TTBK2: variants seen among roughly 807,000 people sequenced by gnomAD.
TTBK2 encodes the protein tau tubulin kinase 2, also known as tau-tubulin kinase 2.
TTBK2 carries 28 observed loss-of-function variants against 110.8 expected under a neutral mutation model. That is an observed-to-expected ratio of 0.25 (90% confidence interval 0.19 to 0.35). TTBK2 has a LOEUF of 0.35. Ranked by LOEUF, TTBK2 falls within the 10% of genes least tolerant of loss-of-function variation. The pLI is 1.00. For synonymous variants in TTBK2, 532 were observed against 527.3 expected (o/e 1.01, Z -0.12); for missense variants, 1,369 against 1,500.3 (o/e 0.91, Z 1.45).
chr15:42,888,322 C>A lies in TTBK2; in HGVS notation c.-67-9638G>T, dbSNP rs145269978. Among the ~76,000 whole-genome samples the A allele has an allele frequency of 3.6e-4, 55 of 152,230 alleles. No individual in the cohort carries two copies. The East Asian group carries it at 0.01, about 29-fold the overall frequency. The stretch of plus-strand genomic sequence containing the variant: ...CAATTACCATTATTCCTGGCCCGGA[C>A]TTCAATCCATCCTCCCACATTATTC... On this transcript the variant is annotated intron_variant, in intron 1 of 14. Transcript: ENST00000267890.
At chr15:42,746,370 A>G in intron 14 of TTBK2, 113 bp from the exon 15 acceptor site, 1 of 805,440 alleles carries the variant, frequency 1.2e-6, no homozygotes, top group Non-Finnish European at 2.0e-6. Context: ...AAATAGACTA[A>G]CAGGATACAG....
chr15:42,886,676 G>A (rs549605695), intron 1 of TTBK2, among the ~76,000 whole-genome samples: 1 of 152,254 alleles, frequency 6.6e-6, no homozygotes, highest in Non-Finnish European at 1.5e-5. Flanking sequence ...GAGAAGAGTT[G>A]CAACTACTTG....
chr15:42,876,507 G>C (rs879195643), intron 2 of TTBK2, among the ~76,000 whole-genome samples: 1 of 152,128 alleles, frequency 6.6e-6, no homozygotes, highest in Admixed American at 6.6e-5. Flanking sequence ...CCATGATAAT[G>C]ACATAGTTTC....
At position 42,752,718 on chromosome 15, in the gene TTBK2, A is replaced by G. The variant is rs1436330530; in HGVS notation, c.2528T>C (p.Ile843Thr). The change falls in exon 14 of 15, where the codon ATA (isoleucine) becomes ACA (threonine). Residue 843 changes from isoleucine (I) to threonine (T), a missense_variant. Physicochemically the swap from Ile to Thr is moderately conservative, Grantham distance 89. Around this residue, in one of 4 missense-constraint regions of TTBK2, gnomAD observed 1,097 missense variants for 1,114.7 expected, o/e 0.98. Transcript: ENST00000267890. ...VVPNQDKNNEIMKLLTVGTSE... is the reference protein window; with the variant it reads ...VVPNQDKNNETMKLLTVGTSE... ...AGTTCCAACTGTCAGAAGCTTCATT[A>G]TCTCATTATTTTTGTCTTGATTTGG... 2 of 1,614,076 alleles carry G rather than the reference A, an allele frequency of 1.2e-6. No individual in the cohort carries two copies. Among genetic ancestry groups the G allele is most frequent in the East Asian group, 2.2e-5 (1 of 44,880 alleles).
chr15:42,749,714 T>C (rs1338764792), intron 14 of TTBK2, among the ~76,000 whole-genome samples: 1 of 152,208 alleles, frequency 6.6e-6, no homozygotes, highest in African/African-American at 2.4e-5. Context: ...GCCAGTCCTC[T>C]TTTTTCTTCT....
intron 13 of TTBK2, among the ~76,000 whole-genome samples, chr15:42,774,328 G>C (rs1889805672): frequency 1.3e-5 from 2 of 152,156 alleles, no homozygotes; most frequent in Non-Finnish European, 2.9e-5. Flanking sequence ...TGTGTCCACA[G>C]TTACTTATTT....
chr15:42,794,572 T>C (rs1890848700), intron 10 of TTBK2, 72 bp downstream of exon 10: 2 of 1,606,200 alleles, frequency 1.2e-6, no homozygotes, highest in East Asian at 4.5e-5. Flanking sequence ...TGAGGGAATC[T>C]GGATGAAGTA....
chr15:42,783,347 C>T, intron 11 of TTBK2, 72 bp downstream of exon 11: 1 of 1,474,886 alleles, frequency 6.8e-7, no homozygotes, highest in Non-Finnish European at 9.4e-7. Context: ...ATCTGCCTAG[C>T]CTTCCTTCTT....
intron 13 of TTBK2, among the ~76,000 whole-genome samples, chr15:42,756,641 T>C (rs913725998): frequency 6.6e-6 from 1 of 151,314 alleles, no homozygotes; most frequent in Admixed American, 6.6e-5. Context: ...GAAGCTAGGG[T>C]TAATTTCTAC....
At chr15:42,881,940 G>T (rs779657386) in intron 1 of TTBK2, among the ~76,000 whole-genome samples, 24 of 152,024 alleles carry the variant, frequency 1.6e-4, no homozygotes, top group Non-Finnish European at 3.2e-4. Context: ...ACTGGATGGG[G>T]TCAATAGAAA....
At chr15:42,827,643 AGCAT>A (rs1015726474) in intron 6 of TTBK2, among the ~76,000 whole-genome samples, 2 of 152,162 alleles carry the variant, frequency 1.3e-5, no homozygotes, top group Non-Finnish European at 2.9e-5. Flanking sequence ...ATAGAATTAT[AGCAT>A]GTAGAAAGGG....
chr15:42,864,746 C>A (rs773648297), intron 3 of TTBK2, among the ~76,000 whole-genome samples: 2 of 152,044 alleles, frequency 1.3e-5, no homozygotes, highest in East Asian at 3.9e-4. Context: ...GTTAAAAGTT[C>A]TTTGGAGAGA....
chr15:42,913,411 G>A (rs148177127), intron 1 of TTBK2, among the ~76,000 whole-genome samples: 8 of 151,946 alleles, frequency 5.3e-5, no homozygotes, highest in Non-Finnish European at 7.4e-5. Flanking sequence ...AGGCCGAGGC[G>A]GGCGGATCAC....
intron 11 of TTBK2, among the ~76,000 whole-genome samples, chr15:42,780,056 T>G (rs1009859169): frequency 6.6e-6 from 1 of 151,618 alleles, no homozygotes; most frequent in African/African-American, 2.4e-5. Context: ...AGAGTCTCAC[T>G]CTGTCACCTA....
intron 9 of TTBK2, among the ~76,000 whole-genome samples, chr15:42,807,955 T>G (rs1184574147): frequency 6.6e-6 from 1 of 152,142 alleles, no homozygotes; most frequent in African/African-American, 2.4e-5. Context: ...TTGCCTAACA[T>G]TTGTTGAAAA....
At chr15:42,760,190 AG>A (rs1355176477) in intron 13 of TTBK2, among the ~76,000 whole-genome samples, 2 of 152,112 alleles carry the variant, frequency 1.3e-5, no homozygotes, top group Non-Finnish European at 2.9e-5. Context: ...GTTTGAGACC[AG>A]CCTGGCCAAC....
intron 3 of TTBK2, chr15:42,871,631 A>C: frequency 1.0e-6 from 1 of 974,740 alleles, no homozygotes; most frequent in Middle Eastern, 5.3e-4. Context: ...AGTTGAGAAC[A>C]ACAACTCAAG....
chr15:42,798,842 G>A (rs754793270), intron 9 of TTBK2, among the ~76,000 whole-genome samples: 1 of 152,124 alleles, frequency 6.6e-6, no homozygotes, highest in African/African-American at 2.4e-5. Context: ...TTAAGTGAAG[G>A]GGAAGTTGTT....
chr15:42,864,200 A>T (rs1595997648), intron 3 of TTBK2, among the ~76,000 whole-genome samples: 2 of 152,348 alleles, frequency 1.3e-5, no homozygotes, highest in South Asian at 4.1e-4. Flanking sequence ...AAGGTCTAAT[A>T]ATCAGAATTT....
Sources: allele counts gnomAD v4.1 joint callset (sites outside exome capture counted in the v4.1 genomes callset), GRCh38; gene constraint gnomAD v4.1.1; regional missense constraint gnomAD v4.1.1; transcripts MANE v1.5; gene names NCBI Gene and HGNC (gene_info 2026-07-23, HGNC 2026-07-21).